PARD3B: variants seen among roughly 807,000 people sequenced by gnomAD.
PARD3B encodes partitioning defective 3 homolog B.
A neutral mutation model predicts 130.2 loss-of-function variants in PARD3B; 103 were observed. The ratio of observed to expected loss-of-function variants is 0.79; its 90% CI spans 0.67 to 0.93. The LOEUF is 0.93. Among genes scored for constraint, PARD3B ranks in the 40% least tolerant of loss-of-function variants. The probability of loss-of-function intolerance (pLI) is 0.00; values close to 1 mark genes in which losing one functional copy is unlikely to be tolerated. For synonymous variants in PARD3B, 583 were observed against 553.2 expected (o/e 1.05, Z -0.76); for missense variants, 1,609 against 1,499.2 (o/e 1.07, Z -1.21).
chr2:205,262,501 C>A (rs2040353440), intron 16 of PARD3B, among the ~76,000 whole-genome samples: 1 of 152,090 alleles, frequency 6.6e-6, no homozygotes, highest in Non-Finnish European at 1.5e-5. Context: ...TACATCTGCC[C>A]CTCTAGCTTG....
At chr2:205,278,308 T>C (rs1040244359) in intron 16 of PARD3B, among the ~76,000 whole-genome samples, 2 of 152,052 alleles carry the variant, frequency 1.3e-5, no homozygotes, top group Non-Finnish European at 2.9e-5. Flanking sequence ...GTGAGAGTAC[T>C]TGCAGGGTTT....
chr2:205,567,675 T>C (rs1304341638), intron 22 of PARD3B, among the ~76,000 whole-genome samples: 1 of 151,848 alleles, frequency 6.6e-6, no homozygotes, highest in Non-Finnish European at 1.5e-5. Flanking sequence ...GACATTCTCA[T>C]AATTTTCCAG....
intron 4 of PARD3B, among the ~76,000 whole-genome samples, chr2:205,051,203 G>A (rs1559389372): frequency 6.6e-6 from 1 of 151,986 alleles, no homozygotes; most frequent in Non-Finnish European, 1.5e-5. Flanking sequence ...TTTGTACTTG[G>A]CGCTTCCTTC....
chr2:204,621,261 C>G (rs906486817), intron 1 of PARD3B, among the ~76,000 whole-genome samples: 2 of 152,116 alleles, frequency 1.3e-5, no homozygotes, highest in Admixed American at 6.6e-5. Context: ...GACAAAACTT[C>G]TAACGCAATG....
intron 21 of PARD3B, among the ~76,000 whole-genome samples, chr2:205,521,908 A>G (rs1309804689): frequency 1.3e-5 from 2 of 152,104 alleles, no homozygotes; most frequent in African/African-American, 2.4e-5. Context: ...TAACTCATCC[A>G]TAAAAATATC....
At chr2:205,497,512 G>T (rs1194493444) in intron 20 of PARD3B, among the ~76,000 whole-genome samples, 1 of 141,650 alleles carries the variant, frequency 7.1e-6, no homozygotes, top group Admixed American at 7.5e-5. Flanking sequence ...GTTGCTTTTA[G>T]GTACCTCATA....
intron 4 of PARD3B, among the ~76,000 whole-genome samples, chr2:205,074,510 A>G (rs1575708777): frequency 6.6e-6 from 1 of 152,168 alleles, no homozygotes; most frequent in Admixed American, 6.5e-5. Context: ...ACAACAACTT[A>G]TCTTCATAGA....
chr2:204,753,909 A>C (rs1358556236), intron 2 of PARD3B, among the ~76,000 whole-genome samples: 2 of 152,110 alleles, frequency 1.3e-5, no homozygotes, highest in African/African-American at 4.8e-5. Context: ...AAATAAAATA[A>C]TATAAAATAA....
intron 18 of PARD3B, among the ~76,000 whole-genome samples, chr2:205,379,414 C>T (rs950723664): frequency 2.0e-5 from 3 of 151,762 alleles, no homozygotes; most frequent in South Asian, 2.1e-4. Flanking sequence ...TCTTTAGGGA[C>T]GAATCCAGAA....
intron 5 of PARD3B, among the ~76,000 whole-genome samples, chr2:205,104,794 C>G (rs550083079): frequency 3.3e-5 from 5 of 152,282 alleles, no homozygotes; most frequent in African/African-American, 1.2e-4. Context: ...ACAGCAATTT[C>G]AAATGAACAT....
chr2:204,718,329 G>A (rs1467498113), intron 2 of PARD3B, among the ~76,000 whole-genome samples: 1 of 152,072 alleles, frequency 6.6e-6, no homozygotes, highest in Non-Finnish European at 1.5e-5. Flanking sequence ...ATAAAGAAAG[G>A]AGGTTTAATT....
chr2:205,353,980 C>G (rs1382680002), intron 18 of PARD3B, among the ~76,000 whole-genome samples: 2 of 151,346 alleles, frequency 1.3e-5, no homozygotes, highest in Admixed American at 6.6e-5. Context: ...AGTGACTTGC[C>G]CAGAGTTTAG....
intron 2 of PARD3B, among the ~76,000 whole-genome samples, chr2:204,846,966 C>T (rs1212624573): frequency 1.3e-5 from 2 of 151,894 alleles, no homozygotes; most frequent in African/African-American, 4.8e-5. Flanking sequence ...ATAAAATTTA[C>T]TCTATATTTT....
intron 3 of PARD3B, among the ~76,000 whole-genome samples, chr2:205,002,573 T>C (rs1694933604): frequency 6.6e-6 from 1 of 152,216 alleles, no homozygotes; most frequent in East Asian, 1.9e-4. Flanking sequence ...TTCTTATCTC[T>C]GACCACATCT....
At chr2:204,807,217 C>G (rs904531119) in intron 2 of PARD3B, among the ~76,000 whole-genome samples, 1 of 152,104 alleles carries the variant, frequency 6.6e-6, no homozygotes, top group Non-Finnish European at 1.5e-5. Context: ...ATTATGGGAG[C>G]TACAATTCAA....
chr2:204,689,825 C>T lies in PARD3B; in HGVS notation c.222+3543C>T, dbSNP rs1407145624. On this transcript the variant is annotated intron_variant, in intron 2 of 22. Coordinates refer to ENST00000406610, the MANE Select transcript of PARD3B (RefSeq NM_001302769.2). This position sits in a 1 kb window ranked among gnomAD's most constrained non-coding sequence, Gnocchi z 5.2. Reference sequence around the variant, plus strand: ...AATTTAAATTTCTGTAATCTTATTTCTTTTCTTCTCTGATGTGTCAAGCAG... The same window carrying T: ...AATTTAAATTTCTGTAATCTTATTTTTTTTCTTCTCTGATGTGTCAAGCAG... Among the ~76,000 whole-genome samples the T allele has an allele frequency of 5.3e-5, 8 of 152,072 alleles. No homozygotes were observed. The East Asian group carries it at 1.5e-3, about 29-fold the overall frequency.
At chr2:205,123,673 ATAAGTG>A (rs1252555345) in intron 8 of PARD3B, among the ~76,000 whole-genome samples, 8 of 90,850 alleles carry the variant, frequency 8.8e-5, no homozygotes, top group African/African-American at 4.5e-4. Context: ...AAAAAAAAAA[ATAAGTG>A]GTGGGAATCA....
intron 2 of PARD3B, among the ~76,000 whole-genome samples, chr2:204,749,981 C>A (rs1162832607): frequency 6.6e-6 from 1 of 152,102 alleles, no homozygotes; most frequent in Non-Finnish European, 1.5e-5. Context: ...CTTGTTAACA[C>A]TCATCTCTCT....
chr2:205,020,187 G>C (rs879180787), intron 3 of PARD3B, among the ~76,000 whole-genome samples: 2 of 152,044 alleles, frequency 1.3e-5, no homozygotes, highest in Admixed American at 1.3e-4. Context: ...TTAAGACTTG[G>C]GGACATCAGG....
Sources: gnomAD v4.1 joint callset for allele counts (sites outside exome capture counted in the v4.1 genomes callset) on GRCh38, gnomAD v4.1.1 for gene constraint, Gnocchi (gnomAD v3.1) non-coding constraint, MANE v1.5 for transcripts, NCBI Gene and HGNC (gene_info 2026-07-23, HGNC 2026-07-21) for gene names.